The following PRKD3 variants were observed in gnomAD, a reference collection of about 807,000 sequenced individuals.
PRKD3 encodes serine/threonine-protein kinase D3.
Under a neutral mutation model 99.2 loss-of-function variants are expected in PRKD3, and 47 were observed. The ratio of observed to expected loss-of-function variants is 0.47; its 90% CI spans 0.38 to 0.60. The LOEUF (loss-of-function observed/expected upper bound fraction) is 0.60. Among genes scored for constraint, PRKD3 ranks in the 20% least tolerant of loss-of-function variants. PRKD3 has a pLI of 0.00. For missense variants in PRKD3, 1,019 were observed against 1,088.4 expected, an observed-to-expected ratio of 0.94 and a Z score of 0.90; for synonymous variants, 392 against 355.4, an observed-to-expected ratio of 1.10 and a Z score of -1.16.
At chr2:37,288,091 C>T (rs1670208158) in intron 5 of PRKD3, among the ~76,000 whole-genome samples, 1 of 152,172 alleles carries the variant, frequency 6.6e-6, no homozygotes, top group Non-Finnish European at 1.5e-5. Context: ...AAAAATGTAA[C>T]ACCTTATCCA....
chr2:37,266,382 A>G (rs1668840850), intron 14 of PRKD3, among the ~76,000 whole-genome samples: 2 of 152,034 alleles, frequency 1.3e-5, no homozygotes, highest in Non-Finnish European at 2.9e-5. Context: ...CTGGAGTGCA[A>G]TGGCATGATC....
intron 5 of PRKD3, among the ~76,000 whole-genome samples, chr2:37,287,165 G>A (rs1006106033): frequency 3.5e-5 from 5 of 142,808 alleles, no homozygotes; most frequent in African/African-American, 1.0e-4. Context: ...AGGAGGTGGA[G>A]GTTCCGGTAA....
In PRKD3 at chr2:37,311,725, T is replaced by C. The variant is rs144314428; in HGVS notation, c.288+4512A>G. On this transcript the variant is annotated intron_variant, in intron 2 of 18. Coordinates refer to ENST00000234179, the MANE Select transcript of PRKD3 (RefSeq NM_005813.6). The stretch of plus-strand genomic sequence containing the variant: ...CGGGACAAAATATACAATTTCAATA[T>C]TTGAAAAAATGTATCTTCAGATTGT... Among the ~76,000 whole-genome samples the C allele has an allele frequency of 5.9e-3, 895 of 152,320 alleles. 4 individuals carry two copies. The highest frequency in any genetic ancestry group is 0.02 in the African/African-American group (844 of 41,566).
At chr2:37,271,066 A>G (rs1403386092) in intron 12 of PRKD3, among the ~76,000 whole-genome samples, 2 of 152,240 alleles carry the variant, frequency 1.3e-5, no homozygotes, top group South Asian at 2.1e-4. Flanking sequence ...TCTATCTCCA[A>G]TAACACTACT....
chr2:37,257,071 T>C, intron 16 of PRKD3, 142 bp from the exon 17 acceptor site: 1 of 975,874 alleles, frequency 1.0e-6, no homozygotes. Context: ...ATAAGGAAAT[T>C]GTAAAATATC....
Position 37,317,225 on chromosome 2 carries a change from G to A in PRKD3, c.-655-46C>T, listed in dbSNP as rs978555930. 11 of 767,048 alleles carry A rather than the reference G, an allele frequency of 1.4e-5. No individual in the cohort carries two copies. The East Asian group carries it at 7.7e-4, about 54-fold the overall frequency. The allele number at this position is 767,048 out of a possible 1,614,324, so 47.5% of individuals were successfully genotyped here. ...GGTTTTTAATACTTTATATTCATTCGACATTAATTTAAAAATAAGAACATA... is the reference window on the plus strand; with the variant it reads ...GGTTTTTAATACTTTATATTCATTCAACATTAATTTAAAAATAAGAACATA... On this transcript the variant is annotated intron_variant, in intron 1 of 18. Coordinates refer to ENST00000234179, the MANE Select transcript of PRKD3 (RefSeq NM_005813.6).
At chr2:37,313,528 A>G (rs1671534553) in intron 2 of PRKD3, among the ~76,000 whole-genome samples, 1 of 152,202 alleles carries the variant, frequency 6.6e-6, no homozygotes, top group Non-Finnish European at 1.5e-5. Flanking sequence ...AACACTTAAA[A>G]AGCAGAAGTT....
intron 1 of PRKD3, among the ~76,000 whole-genome samples, chr2:37,321,568 A>G (rs1458870171): frequency 2.6e-5 from 4 of 152,264 alleles, no homozygotes; most frequent in African/African-American, 9.6e-5. Flanking sequence ...ATACTTAATT[A>G]GTACTTATTA....
At chr2:37,289,628 A>G (rs1161214506) in intron 4 of PRKD3, 115 bp from the exon 5 acceptor site, 4 of 851,190 alleles carry the variant, frequency 4.7e-6, no homozygotes, top group Non-Finnish European at 6.9e-6. Flanking sequence ...AGCCATACCT[A>G]TCCTAATTAA....
intron 4 of PRKD3, among the ~76,000 whole-genome samples, chr2:37,290,379 T>C (rs1211260861): frequency 1.3e-5 from 2 of 152,074 alleles, no homozygotes; most frequent in Non-Finnish European, 2.9e-5. Context: ...ATTACAGGCA[T>C]CCGCCACCAC....
chr2:37,262,315 A>G (rs746922540), intron 14 of PRKD3, among the ~76,000 whole-genome samples: 5 of 152,222 alleles, frequency 3.3e-5, no homozygotes, highest in Non-Finnish European at 2.9e-5. Context: ...ACTGTATTGT[A>G]ATAATGTGTG....
intron 2 of PRKD3, among the ~76,000 whole-genome samples, chr2:37,305,175 G>C (rs13429945): frequency 0.045 from 6,791 of 152,158 alleles, 168 homozygotes; most frequent in African/African-American, 0.051. Context: ...GGTGTTCAGT[G>C]TACTTTGGCA....
At chr2:37,258,230 T>C (rs947660577) in intron 16 of PRKD3, among the ~76,000 whole-genome samples, 5 of 152,236 alleles carry the variant, frequency 3.3e-5, no homozygotes, top group African/African-American at 1.2e-4. Context: ...ATGCTGCTAT[T>C]TCTGGGATGG....
rs1167770012 is a variant in PRKD3, at chr2:37,317,172, T to A, written c.-648A>T. 3.1e-6 allele frequency: 3 copies of A among 982,644 alleles called. No individual in the cohort carries two copies. The highest frequency in any genetic ancestry group is 2.4e-6 in the Non-Finnish European group (2 of 827,480). 60.9% of individuals were successfully genotyped at this position (982,644 alleles called of 1,614,324 possible). On this transcript the variant is annotated 5_prime_UTR_variant, in exon 2 of 19. Coordinates refer to ENST00000234179, the MANE Select transcript of PRKD3 (RefSeq NM_005813.6). ...AGAAAAGCTGATGCTTTCTGACATA[T>A]AGTTAGCCTGGAAGGAAATTTTTTA...
At chr2:37,253,477 A>C in intron 18 of PRKD3, 127 bp from the exon 19 acceptor site, 1 of 716,056 alleles carries the variant, frequency 1.4e-6, no homozygotes, top group South Asian at 2.2e-5. Context: ...CGCTACTCAT[A>C]AGTATCTACT....
chr2:37,274,835 G>T, intron 10 of PRKD3, 138 bp from the exon 11 acceptor site: 1 of 842,462 alleles, frequency 1.2e-6, no homozygotes, highest in Non-Finnish European at 1.8e-6. Flanking sequence ...ATACACAGTT[G>T]AGTCTTATGA....
chr2:37,324,259 G>T, intron 1 of PRKD3: 4 of 984,990 alleles, frequency 4.1e-6, no homozygotes, highest in Middle Eastern at 5.2e-4. Flanking sequence ...TCCAAAATTC[G>T]GCACTGCGAG....
At chr2:37,294,399 C>G (rs1670585742) in intron 2 of PRKD3, among the ~76,000 whole-genome samples, 1 of 151,814 alleles carries the variant, frequency 6.6e-6, no homozygotes, top group South Asian at 2.1e-4. Flanking sequence ...ACTGGCCTCT[C>G]AAATCTTTTT....
At chr2:37,302,232 A>C (rs1198287012) in intron 2 of PRKD3, among the ~76,000 whole-genome samples, 2 of 152,280 alleles carry the variant, frequency 1.3e-5, no homozygotes, top group South Asian at 2.1e-4. Context: ...CCTCTTTCCA[A>C]CTGTTCCCCC....
Sources: allele counts gnomAD v4.1 joint callset (sites outside exome capture counted in the v4.1 genomes callset), GRCh38; gene constraint gnomAD v4.1.1; transcripts MANE v1.5; gene names NCBI Gene and HGNC (gene_info 2026-07-23, HGNC 2026-07-21).